ZNF438: variants seen among roughly 807,000 people sequenced by gnomAD.
The protein encoded by ZNF438 is zinc finger protein 438.
In ZNF438, 25 loss-of-function variants were observed where a neutral mutation model predicts 38.0. That is an observed-to-expected ratio of 0.66 (90% CI 0.48 to 0.92). The LOEUF (loss-of-function observed/expected upper bound fraction) is 0.92. Ranked by LOEUF, ZNF438 falls within the 40% of genes least tolerant of loss-of-function variation. ZNF438 has a pLI of 0.00. For synonymous variants in ZNF438, 372 were observed against 364.1 expected (o/e 1.02, Z -0.25); for missense variants, 1,007 against 999.6 (o/e 1.01, Z -0.10).
chr10:30,880,444 A>AG (rs1294710852), intron 3 of ZNF438, among the ~76,000 whole-genome samples: 8 of 150,204 alleles, frequency 5.3e-5, no homozygotes, highest in Non-Finnish European at 1.2e-4. Context: ...AAAAAAAAAA[A>AG]AAAGAAAAAG....
chr10:30,998,405 T>C (rs988776100), intron 1 of ZNF438, among the ~76,000 whole-genome samples: 1 of 151,506 alleles, frequency 6.6e-6, no homozygotes, highest in Non-Finnish European at 1.5e-5. Flanking sequence ...TAGCCGGGCA[T>C]GGTGGCGGGC....
At chr10:30,975,574 C>T (rs1420627960) in intron 1 of ZNF438, among the ~76,000 whole-genome samples, 1 of 152,206 alleles carries the variant, frequency 6.6e-6, no homozygotes, top group African/African-American at 2.4e-5. Context: ...AGACCTTAGA[C>T]TTTGCTACAG....
chr10:30,967,485 T>A (rs2050248614), intron 1 of ZNF438, among the ~76,000 whole-genome samples: 1 of 152,220 alleles, frequency 6.6e-6, no homozygotes, highest in Non-Finnish European at 1.5e-5. Context: ...ATTTTTAAAG[T>A]GTGTTTTAAG....
chr10:30,934,926 C>T (rs1395154638), intron 2 of ZNF438, among the ~76,000 whole-genome samples: 1 of 152,206 alleles, frequency 6.6e-6, no homozygotes, highest in Non-Finnish European at 1.5e-5. Flanking sequence ...TTGGAACTTA[C>T]AAATCTGACC....
intron 1 of ZNF438, among the ~76,000 whole-genome samples, chr10:30,996,045 T>A (rs1333519025): frequency 3.9e-5 from 6 of 152,148 alleles, no homozygotes; most frequent in Admixed American, 3.9e-4. Context: ...GAAATTCTTA[T>A]AAATCGGGAT....
intron 4 of ZNF438, among the ~76,000 whole-genome samples, chr10:30,870,516 G>A (rs544879287): frequency 3.3e-5 from 5 of 152,040 alleles, no homozygotes; most frequent in African/African-American, 1.2e-4. Flanking sequence ...GCTGTCTAGT[G>A]CTCCTAACAC....
At chr10:30,898,499 T>C (rs888373874) in intron 3 of ZNF438, among the ~76,000 whole-genome samples, 1 of 152,168 alleles carries the variant, frequency 6.6e-6, no homozygotes, top group Non-Finnish European at 1.5e-5. Flanking sequence ...CCACCTTTAA[T>C]TGGGTATAAT....
intron 3 of ZNF438, among the ~76,000 whole-genome samples, chr10:30,889,445 C>T (rs2040398860): frequency 6.6e-6 from 1 of 152,204 alleles, no homozygotes; most frequent in East Asian, 1.9e-4. Flanking sequence ...GAGTCTCACT[C>T]TGTCACCCTG....
intron 2 of ZNF438, among the ~76,000 whole-genome samples, chr10:30,936,595 A>G (rs112165376): frequency 0.012 from 1,856 of 152,204 alleles, 41 homozygotes; most frequent in African/African-American, 0.041. Flanking sequence ...AATCGCTTGA[A>G]CCTGGGAGGC....
In ZNF438 at chr10:30,849,558, A is replaced by G. The variant is rs551154843; in HGVS notation, c.847T>C (p.Leu283=). 8 of 1,614,278 alleles carry G rather than the reference A, an allele frequency of 5.0e-6. No homozygotes were observed. In the African/African-American group the frequency reaches 6.7e-5, roughly 13 times the overall value. Reference sequence around the variant, plus strand: ...TTCCCTTTGGGGACTGAAGAGATCAACTGAACTGCATTGCCAAGAATGGTT... The same window carrying G: ...TTCCCTTTGGGGACTGAAGAGATCAGCTGAACTGCATTGCCAAGAATGGTT... Residue 283 remains leucine (L), a synonymous_variant, in exon 5 of 6, where the codon TTG becomes CTG. Coordinates refer to ENST00000413025, the Ensembl canonical transcript of ZNF438.
intron 2 of ZNF438, among the ~76,000 whole-genome samples, chr10:30,939,839 C>G (rs1160678110): frequency 6.6e-6 from 1 of 152,216 alleles, no homozygotes; most frequent in Non-Finnish European, 1.5e-5. Flanking sequence ...TACACCATGG[C>G]TGCCCATAGT....
chr10:30,893,339 A>G (rs2040928335), intron 3 of ZNF438, among the ~76,000 whole-genome samples: 1 of 152,226 alleles, frequency 6.6e-6, no homozygotes, highest in Non-Finnish European at 1.5e-5. Flanking sequence ...GGGAAGTCCC[A>G]CCAACAAACT....
At chr10:30,868,146 T>C (rs1213670223) in intron 4 of ZNF438, among the ~76,000 whole-genome samples, 1 of 151,846 alleles carries the variant, frequency 6.6e-6, no homozygotes, top group African/African-American at 2.4e-5. Context: ...CTCAACTCAC[T>C]GCAACTTCCG....
At chr10:30,985,671 CA>C (rs2052694793) in intron 1 of ZNF438, among the ~76,000 whole-genome samples, 1 of 152,158 alleles carries the variant, frequency 6.6e-6, no homozygotes, top group Non-Finnish European at 1.5e-5. Context: ...ACAACAAAGA[CA>C]AAATTACCGT....
chr10:30,959,670 C>G (rs1169179159), intron 1 of ZNF438, among the ~76,000 whole-genome samples: 2 of 145,664 alleles, frequency 1.4e-5, no homozygotes, highest in Non-Finnish European at 3.1e-5. Context: ...ATGGCGTGAA[C>G]CCGGGAGGCG....
chr10:30,850,477 C>T, intron 4 of ZNF438, 110 bp from the exon 6 acceptor site: 1 of 1,279,546 alleles, frequency 7.8e-7, no homozygotes, highest in Non-Finnish European at 1.0e-6. Flanking sequence ...CCTTGACCTA[C>T]CTCCAAGCCT....
chr10:30,953,295 T>C (rs185487679), intron 1 of ZNF438, among the ~76,000 whole-genome samples: 58 of 152,158 alleles, frequency 3.8e-4, no homozygotes, highest in African/African-American at 1.3e-3. Context: ...GAGATATACC[T>C]AATGCTAGAT....
chr10:30,920,455 C>T (rs1031119588), intron 2 of ZNF438: 1 of 152,092 alleles, frequency 6.6e-6, no homozygotes, highest in Non-Finnish European at 1.5e-5. Context: ...TCTGGATGTC[C>T]CTAAGTTTTT....
intron 3 of ZNF438, among the ~76,000 whole-genome samples, chr10:30,885,306 T>C (rs931010784): frequency 6.6e-6 from 1 of 152,242 alleles, no homozygotes; most frequent in South Asian, 2.1e-4. Context: ...TCTTCCAGTT[T>C]TGATTCTACT....
Sources: gnomAD v4.1 joint callset for allele counts (sites outside exome capture counted in the v4.1 genomes callset) on GRCh38, gnomAD v4.1.1 for gene constraint, MANE v1.5 for transcripts, NCBI Gene and HGNC (gene_info 2026-07-23, HGNC 2026-07-21) for gene names.